Variants in PDLIM2 observed in about 807,000 individuals in gnomAD.
PDLIM2 encodes the protein PDZ and LIM domain protein 2.
PDLIM2 carries 51 observed loss-of-function variants against 54.1 expected under a neutral mutation model. That is an observed-to-expected ratio of 0.94 (90% CI 0.75 to 1.19). PDLIM2 has a LOEUF of 1.19. PDLIM2 is among the 50% of genes most tolerant of loss of function. The pLI is 0.00. For synonymous variants in PDLIM2, 398 were observed against 385.6 expected (o/e 1.03, Z -0.38); for missense variants, 912 against 874.0 (o/e 1.04, Z -0.55).
chr8:22,592,973 A>G (rs994222568), intron 9 of PDLIM2: 3 of 152,280 alleles, frequency 2.0e-5, no homozygotes, highest in African/African-American at 4.8e-5. Flanking sequence ...TCCTGGGCTC[A>G]AGTGATCCTC....
chr8:22,589,506 C>CG, intron 7 of PDLIM2, 90 bp from the exon 7 acceptor site: 1 of 1,509,062 alleles, frequency 6.6e-7, no homozygotes, highest in Non-Finnish European at 9.0e-7. Context: ...ATTCCTCCCC[C>CG]TCCCCCACGC....
downstream of PDLIM2, chr8:22,596,265 C>T (rs1800682699): frequency 6.6e-6 from 1 of 152,230 alleles, no homozygotes; most frequent in Admixed American, 6.5e-5. Flanking sequence ...AAATGATGGG[C>T]ATTCCAGTGA....
intron 6 of PDLIM2, chr8:22,589,030 C>T: frequency 1.8e-6 from 1 of 568,208 alleles, no homozygotes; most frequent in Non-Finnish European, 3.1e-6. Context: ...CTGCCCGGTC[C>T]CCGGCAGAAC....
Position 22,589,792 on chromosome 8 carries a change from G to A in PDLIM2, c.1513+51G>A, listed in dbSNP as rs771788945. On this transcript the variant is annotated intron_variant, in intron 8 of 9. Transcript: ENST00000308354. ...GGAAGGAGGTTCCCTTCCGTACCCC[G>A]GGCCCTGACTGGATGGGTCAGTGAA... is the stretch of plus-strand genomic sequence containing the variant. 51 of 1,547,722 alleles carry A rather than the reference G, an allele frequency of 3.3e-5. No homozygotes were observed. The African/African-American group carries it at 4.5e-4, about 14-fold the overall frequency.
intron 3 of PDLIM2, 109 bp downstream of exon 2, chr8:22,581,639 C>T: frequency 7.2e-7 from 1 of 1,379,442 alleles, no homozygotes; most frequent in Non-Finnish European, 9.5e-7. Flanking sequence ...CCTAAAGCGG[C>T]CTTCTTGGGC....
intron 6 of PDLIM2, chr8:22,588,753 T>C (rs73672764): frequency 0.012 from 2,009 of 166,142 alleles, 32 homozygotes; most frequent in African/African-American, 0.044. Flanking sequence ...GACAGGCTGG[T>C]TAGCCCAGAC....
At chr8:22,579,323 G>C in exon 1 of PDLIM2, 1 of 1,425,402 alleles carries the variant, frequency 7.0e-7, no homozygotes, top group South Asian at 1.4e-5. Context: ...CCTCGTCCGC[G>C]GCCCAGCTCC....
intron 6 of PDLIM2, 59 bp from the exon 6 acceptor site, chr8:22,589,239 T>A: frequency 6.6e-7 from 1 of 1,516,756 alleles, no homozygotes. Context: ...TAGGCCCTCC[T>A]GGGTGTGTTG....
chr8:22,594,179 G>A, exon 10 of PDLIM2: 3 of 1,410,580 alleles, frequency 2.1e-6, no homozygotes, highest in Non-Finnish European at 2.8e-6. Flanking sequence ...GTGTGCGAGG[G>A]TCTAAGTAGG....
intron 1 of PDLIM2, chr8:22,580,555 G>A: frequency 6.2e-7 from 1 of 1,612,962 alleles, no homozygotes. Context: ...AGTGCCCCCA[G>A]AGCCGGCTAG....
At chr8:22,593,577 C>CAAAAAA in intron 9 of PDLIM2, 156 bp from the exon 9 acceptor site, 10 of 388,564 alleles carry the variant, frequency 2.6e-5, no homozygotes, top group Admixed American at 2.0e-4. Context: ...AACTCCATCT[C>CAAAAAA]AAAAAAAAAA....
intron 1 of PDLIM2, chr8:22,579,540 C>T (rs902426483): frequency 2.4e-5 from 35 of 1,450,222 alleles, no homozygotes; most frequent in Non-Finnish European, 2.9e-5. Flanking sequence ...CTGGGAATCT[C>T]GGGGCGGCCG....
At chr8:22,586,883 G>A (rs1467127139) in intron 6 of PDLIM2, among the ~76,000 whole-genome samples, 2 of 152,168 alleles carry the variant, frequency 1.3e-5, no homozygotes, top group East Asian at 1.9e-4. Flanking sequence ...GCCTACACCC[G>A]CTGAATTGGG....
rs1330803549 is a variant in PDLIM2, at chr8:22,591,326, C to T, written c.1514-225C>T. 4 of 585,988 alleles carry T rather than the reference C, an allele frequency of 6.8e-6. No homozygotes were observed. The East Asian group carries it at 1.2e-4, about 17-fold the overall frequency. The allele number at this position is 585,988 out of a possible 1,614,324, so 36.3% of individuals were successfully genotyped here. Reference sequence around the variant, plus strand: ...ACTGAGCACAGATGGCCCCAGGTGGCCTTGGATGGGCAAACTCGGCCTTGT... The same window carrying T: ...ACTGAGCACAGATGGCCCCAGGTGGTCTTGGATGGGCAAACTCGGCCTTGT... On this transcript the variant is annotated intron_variant, in intron 8 of 9. Coordinates refer to ENST00000308354, the Ensembl canonical transcript of PDLIM2.
chr8:22,593,469 C>G (rs1367362634), intron 9 of PDLIM2: 3 of 428,814 alleles, frequency 7.0e-6, no homozygotes, highest in Non-Finnish European at 1.2e-5. Context: ...CCCAGCTACT[C>G]AGGAGGCTGG....
At chr8:22,579,353 G>A (rs1800123583) in exon 1 of PDLIM2, 6 of 1,469,998 alleles carry the variant, frequency 4.1e-6, no homozygotes, top group Non-Finnish European at 4.5e-6. Flanking sequence ...CGCATCAGCG[G>A]GGGCGCCCCC....
At chr8:22,580,132 GC>G (rs1224538317) in intron 1 of PDLIM2, 1 of 242,376 alleles carries the variant, frequency 4.1e-6, no homozygotes, top group Non-Finnish European at 8.3e-6. Flanking sequence ...TGCTTCCTGA[GC>G]CCTGCTCTCC....
intron 6 of PDLIM2, chr8:22,588,227 G>C (rs1221294903): frequency 6.6e-6 from 1 of 152,316 alleles, no homozygotes; most frequent in Non-Finnish European, 1.5e-5. Context: ...GGAGAACCCT[G>C]AGAGCAGAGG....
At chr8:22,582,578 A>ATTTTT (rs778664391) in intron 3 of PDLIM2, among the ~76,000 whole-genome samples, 2 of 126,036 alleles carry the variant, frequency 1.6e-5, no homozygotes, top group Non-Finnish European at 3.3e-5. Context: ...CAGTCTCTTA[A>ATTTTT]TTTTTTTTTT....
Sources: allele counts gnomAD v4.1 joint callset (sites outside exome capture counted in the v4.1 genomes callset), GRCh38; gene constraint gnomAD v4.1.1; transcripts MANE v1.5; gene names NCBI Gene and HGNC (gene_info 2026-07-23, HGNC 2026-07-21).